The following COL5A2 variants were observed in gnomAD, a reference collection of about 807,000 sequenced individuals.
The protein encoded by COL5A2 is collagen type V alpha 2 chain.
COL5A2 carries 23 observed loss-of-function variants against 208.2 expected under a neutral mutation model. The observed-to-expected ratio is 0.11, with a 90% CI of 0.08 to 0.16. The LOEUF is 0.16. Among genes scored for constraint, COL5A2 ranks in the 10% least tolerant of loss-of-function variants. The pLI is 1.00. For missense variants in COL5A2, 1,590 were observed against 1,956.4 expected, an observed-to-expected ratio of 0.81 and a Z score of 3.53; for synonymous variants, 625 against 628.5, an observed-to-expected ratio of 0.99 and a Z score of 0.08.
At chr2:189,117,524 T>A (rs1394727466) in intron 1 of COL5A2, among the ~76,000 whole-genome samples, 1 of 152,100 alleles carries the variant, frequency 6.6e-6, no homozygotes, top group East Asian at 1.9e-4. Context: ...TTGCTTGAGA[T>A]CAACAGGAGA....
chr2:189,299,653 C>T, the COL5A2 span, among the ~76,000 whole-genome samples: 1 of 152,036 alleles, frequency 6.6e-6, no homozygotes, highest in Non-Finnish European at 1.5e-5. Flanking sequence ...ATTGCATTGC[C>T]CTTTTTATGC....
the COL5A2 span, among the ~76,000 whole-genome samples, chr2:189,271,451 C>T: frequency 1.8e-4 from 28 of 152,152 alleles, no homozygotes; most frequent in African/African-American, 6.3e-4. Flanking sequence ...AACTGGCTAG[C>T]CATATGCAGA....
At chr2:189,241,027 C>A in the COL5A2 span, among the ~76,000 whole-genome samples, 2 of 152,124 alleles carry the variant, frequency 1.3e-5, no homozygotes, top group African/African-American at 4.8e-5. Context: ...TCATTAAAAC[C>A]AAACAGCTTG....
the COL5A2 span, among the ~76,000 whole-genome samples, chr2:189,326,891 T>A: frequency 4.4e-3 from 666 of 151,878 alleles, 4 homozygotes; most frequent in African/African-American, 0.015. Flanking sequence ...TCCAGCATGG[T>A]GAAACCACAT....
At chr2:189,211,694 A>G (rs1689214999) in intron 1 of COL5A2, among the ~76,000 whole-genome samples, 1 of 152,240 alleles carries the variant, frequency 6.6e-6, no homozygotes, top group South Asian at 2.1e-4. Flanking sequence ...TATTTCTTAC[A>G]TTTCAAATTA....
At chr2:189,360,545 A>G in the COL5A2 span, among the ~76,000 whole-genome samples, 1 of 152,160 alleles carries the variant, frequency 6.6e-6, no homozygotes, top group African/African-American at 2.4e-5. Flanking sequence ...AGTTTCCAAT[A>G]TTACTTCCAT....
intron 1 of COL5A2, among the ~76,000 whole-genome samples, chr2:189,113,077 T>C (rs1687314542): frequency 6.6e-6 from 1 of 152,158 alleles, no homozygotes; most frequent in South Asian, 2.1e-4. Flanking sequence ...TACACACTCT[T>C]GGGTGGGGGT....
intron 18 of COL5A2, among the ~76,000 whole-genome samples, chr2:189,069,331 C>A (rs898404809): frequency 1.3e-5 from 2 of 152,248 alleles, no homozygotes; most frequent in South Asian, 2.1e-4. Context: ...TCTTAAATAT[C>A]TTTTATTTAA....
intron 1 of COL5A2, among the ~76,000 whole-genome samples, chr2:189,217,089 CTG>C (rs1421878494): frequency 6.6e-6 from 1 of 152,152 alleles, no homozygotes; most frequent in African/African-American, 2.4e-5. Flanking sequence ...AATTAACACT[CTG>C]TTTCATTATT....
chr2:189,291,971 C>T, the COL5A2 span, among the ~76,000 whole-genome samples: 4 of 152,210 alleles, frequency 2.6e-5, no homozygotes, highest in East Asian at 7.7e-4. Context: ...GGAATCCATG[C>T]ACTCATTTTA....
intron 1 of COL5A2, among the ~76,000 whole-genome samples, chr2:189,191,140 T>TAAAA (rs61294032): frequency 8.4e-6 from 1 of 118,868 alleles, no homozygotes; most frequent in Admixed American, 9.3e-5. Context: ...AGGGAAACCA[T>TAAAA]AAAAAAAAAA....
chr2:189,153,686 T>C (rs1203393282), intron 1 of COL5A2, among the ~76,000 whole-genome samples: 1 of 152,092 alleles, frequency 6.6e-6, no homozygotes, highest in Non-Finnish European at 1.5e-5. Flanking sequence ...TTTGTTCTCT[T>C]GGCTCAACTA....
chr2:189,399,847 A>C, the COL5A2 span, among the ~76,000 whole-genome samples: 1 of 151,966 alleles, frequency 6.6e-6, no homozygotes, highest in Non-Finnish European at 1.5e-5. Context: ...CTAGAGATAC[A>C]TGCCACCATG....
the COL5A2 span, among the ~76,000 whole-genome samples, chr2:189,257,888 G>T: frequency 2.0e-5 from 3 of 152,152 alleles, no homozygotes; most frequent in African/African-American, 7.2e-5. Flanking sequence ...GCCAAGTCGG[G>T]CAGATCACGA....
the COL5A2 span, among the ~76,000 whole-genome samples, chr2:189,293,052 A>G: frequency 6.6e-6 from 1 of 151,898 alleles, no homozygotes; most frequent in Admixed American, 6.6e-5. Flanking sequence ...GGAATTGAAC[A>G]ATGAGAACAC....
chr2:189,085,861 G>C (rs1686646914), intron 9 of COL5A2, 89 bp from the exon 10 acceptor site: 1 of 1,095,400 alleles, frequency 9.1e-7, no homozygotes, highest in Non-Finnish European at 1.4e-6. Context: ...TAATTGTTTA[G>C]ACAGTTGGCT....
At chr2:189,332,897 T>G in the COL5A2 span, among the ~76,000 whole-genome samples, 5 of 152,296 alleles carry the variant, frequency 3.3e-5, no homozygotes, top group South Asian at 1.0e-3. Flanking sequence ...GGAGACAACA[T>G]TATTAAATCT....
At chr2:189,329,855 T>C in the COL5A2 span, among the ~76,000 whole-genome samples, 7 of 151,820 alleles carry the variant, frequency 4.6e-5, no homozygotes, top group South Asian at 2.1e-4. Context: ...TCAGAAGAGA[T>C]TGTCACTCTC....
chr2:189,162,397 T>G (rs1220729799), intron 1 of COL5A2, among the ~76,000 whole-genome samples: 1 of 152,204 alleles, frequency 6.6e-6, no homozygotes, highest in East Asian at 1.9e-4. Context: ...CTCCATCATT[T>G]GAGACCAGAG....
Sources: gnomAD v4.1 joint callset for allele counts (sites outside exome capture counted in the v4.1 genomes callset) on GRCh38, gnomAD v4.1.1 for gene constraint, MANE v1.5 for transcripts, NCBI Gene and HGNC (gene_info 2026-07-23, HGNC 2026-07-21) for gene names.